CUL4A: variants seen among roughly 807,000 people sequenced by gnomAD.
CUL4A encodes the protein cullin-4A.
In CUL4A, 16 loss-of-function variants were observed where a neutral mutation model predicts 95.5. The ratio of observed to expected loss-of-function variants is 0.17; its 90% CI spans 0.11 to 0.25. The LOEUF (loss-of-function observed/expected upper bound fraction) is 0.25, where lower values mean the gene tolerates loss of function less well. CUL4A is among the 10% of genes least tolerant of loss of function. CUL4A has a pLI of 1.00. For missense variants in CUL4A, 610 were observed against 937.0 expected (o/e 0.65, Z 4.56); for synonymous variants, 380 against 353.1 (o/e 1.08, Z -0.85).
rs746911068 is a variant in CUL4A, at chr13:113,255,066, G to A, written c.1972G>A (p.Gly658Arg). The A allele has an allele frequency of 1.2e-6, 2 of 1,614,124 alleles. No individual in the cohort carries two copies. Among genetic ancestry groups the A allele is most frequent in the Admixed American group, 3.3e-5 (2 of 60,020 alleles). The stretch of plus-strand genomic sequence containing the variant: ...AGATGGAGACAAGTTCATTTTTAAT[G>A]GAGAGTTCAAGCACAAGTTGTTTAG... ...VEDGDKFIFN[G>R]EFKHKLFRIK... is the part of the protein sequence containing the mutation. The change falls in exon 18 of 20, where the codon GGA (glycine) becomes AGA (arginine). Residue 658 changes from glycine to arginine, a missense_variant. Gly to Arg is a moderately radical substitution (Grantham distance 125). Transcript: ENST00000375440.
chr13:113,223,942 T>A (rs2040999591), intron 3 of CUL4A, among the ~76,000 whole-genome samples: 2 of 152,218 alleles, frequency 1.3e-5, no homozygotes, highest in Non-Finnish European at 2.9e-5. Context: ...AAAGGCCATT[T>A]GTACCCTTGC....
At chr13:113,209,843 TG>T (rs1289700310) in intron 1 of CUL4A, 68 bp downstream of exon 1, 4 of 1,120,434 alleles carry the variant, frequency 3.6e-6, no homozygotes, top group East Asian at 4.1e-5. Context: ...CCGCCCGACT[TG>T]GGGGGAAGGC....
At position 113,239,441 on chromosome 13, in the gene CUL4A, C is replaced by A. The variant is rs765671780; in HGVS notation, c.925C>A (p.His309Asn). 6.2e-7 allele frequency: 1 copy of A among 1,613,846 alleles called. No individual in the cohort carries two copies. The highest frequency in any genetic ancestry group is 2.2e-5 in the East Asian group (1 of 44,870). ...LTAILQKGLD[H>N]LLDENRVPDL... ...TGTACTGCACATCTCAGGGCTCGAC[C>A]ACTTACTGGATGAGAACAGAGTGCC... Residue 309 changes from histidine to asparagine, a missense_variant, in exon 10 of 20, where the codon CAC becomes AAC. Physicochemically the swap from His to Asn is moderately conservative, Grantham distance 68 (BLOSUM62 1). This residue lies in a region of CUL4A where 153 missense variants were observed against 244.5 expected (regional missense o/e 0.63). Coordinates refer to ENST00000375440, the MANE Select transcript of CUL4A (RefSeq NM_001008895.4).
chr13:113,209,170 C>T (rs2040218180), upstream of CUL4A, among the ~76,000 whole-genome samples: 1 of 147,798 alleles, frequency 6.8e-6, no homozygotes, highest in Non-Finnish European at 1.5e-5. Flanking sequence ...TGGTCTCACG[C>T]CCGGGGTGGG....
At chr13:113,225,882 C>T (rs2041085671) in intron 3 of CUL4A, among the ~76,000 whole-genome samples, 1 of 152,208 alleles carries the variant, frequency 6.6e-6, no homozygotes, top group African/African-American at 2.4e-5. Flanking sequence ...CCAGAGGAAC[C>T]TGTTAACCAT....
rs1209074749 is a variant in CUL4A, at chr13:113,246,033, C to T, written c.1608C>T (p.Tyr536=). The change falls in exon 15 of 20, where the codon TAC becomes TAT. Residue 536 remains tyrosine, a synonymous_variant. Transcript: ENST00000375440. ...NILTMGYWPT[Y]TPMEVHLTPE... is the part of the protein sequence containing the mutation. ...TCACAATGGGCTACTGGCCAACATA[C>T]ACGCCCATGGAAGTGCACTTAACCC... 6.2e-7 allele frequency: 1 copy of T among 1,613,846 alleles called. No individual in the cohort carries two copies. The highest frequency in any genetic ancestry group is 8.5e-7 in the Non-Finnish European group (1 of 1,179,978).
chr13:113,264,459 C>T lies in CUL4A; in HGVS notation c.*877C>T, dbSNP rs1489686485. 6.6e-6 allele frequency: 1 copy of T among 152,066 alleles called. No individual in the cohort carries two copies. The highest frequency in any genetic ancestry group is 1.5e-5 in the Non-Finnish European group (1 of 68,014). The allele number at this position is 152,066 out of a possible 1,614,324, so 9.4% of individuals were successfully genotyped here. A position where few individuals can be genotyped will look rare whatever the true frequency, so the allele number is the denominator to read the frequency against. On this transcript the variant is annotated 3_prime_UTR_variant, in exon 20 of 20. Coordinates refer to ENST00000375440, the MANE Select transcript of CUL4A (RefSeq NM_001008895.4). ...GACGATCCTTGTTCTCTGCTGTAAA[C>T]TGTAAAAAGTTTATGGAGACTTAAA... is the stretch of plus-strand genomic sequence containing the variant.
chr13:113,234,568 C>G (rs1386282593), intron 7 of CUL4A, among the ~76,000 whole-genome samples: 1 of 152,226 alleles, frequency 6.6e-6, no homozygotes, highest in East Asian at 1.9e-4. Context: ...GCAGCTACCC[C>G]AGCAGAGCCT....
Position 113,255,133 on chromosome 13 carries a change from T to C in CUL4A, c.2031+8T>C, listed in dbSNP as rs1346000529. 2 of 1,590,840 alleles carry C rather than the reference T, an allele frequency of 1.3e-6. No individual in the cohort carries two copies. Among genetic ancestry groups the C allele is most frequent in the South Asian group, 2.3e-5 (2 of 88,560 alleles). ...ATTCAGATGAAGGAAACTGTATGTA[T>C]AAACTTTCTCTTTTTACTTATAGGG... On this transcript the variant is annotated splice_region_variant and intron_variant, in intron 18 of 19. Coordinates refer to ENST00000375440, the MANE Select transcript of CUL4A (RefSeq NM_001008895.4).
intron 7 of CUL4A, among the ~76,000 whole-genome samples, chr13:113,234,275 T>TA (rs2041462016): frequency 6.6e-6 from 1 of 152,194 alleles, no homozygotes; most frequent in Non-Finnish European, 1.5e-5. Flanking sequence ...GATAAAAACA[T>TA]ACATGAAAAC....
intron 9 of CUL4A, among the ~76,000 whole-genome samples, chr13:113,238,040 A>G (rs547121668): frequency 6.6e-6 from 1 of 152,262 alleles, no homozygotes; most frequent in Non-Finnish European, 1.5e-5. Flanking sequence ...TCTGGTTATG[A>G]TGTTTCTGCT....
At chr13:113,244,570 G>A in intron 12 of CUL4A, 56 bp downstream of exon 12, 1 of 1,276,284 alleles carries the variant, frequency 7.8e-7, no homozygotes. Flanking sequence ...AACAGGCCCT[G>A]CTTTCCCAGA....
At chr13:113,208,848 G>C, upstream of CUL4A, 1 of 1,406,818 alleles carries the variant, frequency 7.1e-7, no homozygotes, top group East Asian at 2.8e-5. Context: ...CCTCTCAGCC[G>C]GGACGCCAGC....
upstream of CUL4A, chr13:113,208,612 T>C (rs762729429): frequency 6.2e-7 from 1 of 1,607,616 alleles, no homozygotes; most frequent in South Asian, 1.1e-5. Context: ...CTGCAGGTAC[T>C]GGTTAATGGT....
upstream of CUL4A, chr13:113,208,329 TG>T: frequency 7.0e-7 from 1 of 1,432,912 alleles, no homozygotes; most frequent in South Asian, 1.5e-5. Flanking sequence ...GGCAGCGACC[TG>T]GGACCGCCGC....
chr13:113,228,200 C>A (rs895971661), intron 4 of CUL4A, among the ~76,000 whole-genome samples, 155 bp downstream of exon 4: 2 of 152,312 alleles, frequency 1.3e-5, no homozygotes, highest in African/African-American at 4.8e-5. Context: ...AAGGTGAACT[C>A]CTCAGCTCCT....
chr13:113,219,160 T>A, intron 3 of CUL4A, 112 bp downstream of exon 3: 1 of 571,494 alleles, frequency 1.7e-6, no homozygotes, highest in Non-Finnish European at 2.9e-6. Context: ...CAACAGCTTT[T>A]AAAGTTCTCT....
Position 113,245,975 on chromosome 13 carries a change from A to G in CUL4A, c.1550A>G (p.Asp517Gly), listed in dbSNP as rs2041846664. The G allele has an allele frequency of 6.2e-7, 1 of 1,613,460 alleles. No homozygotes were observed. Among genetic ancestry groups the G allele is most frequent in the South Asian group, 1.1e-5 (1 of 91,032 alleles). Residue 517 changes from aspartate (D) to glycine (G), a missense_variant, in exon 15 of 20, where the codon GAC becomes GGC. Around this residue, in one of 10 missense-constraint regions of CUL4A, gnomAD observed 44 missense variants for 75.6 expected, o/e 0.58. Coordinates refer to ENST00000375440, the MANE Select transcript of CUL4A (RefSeq NM_001008895.4). The stretch of plus-strand genomic sequence containing the variant: ...TTTTAGCATATGCAGAATCAGAGTG[A>G]CTCAGGCCCTATAGACCTCACAGTG... ...HFKQHMQNQS[D>G]SGPIDLTVNI...
rs530906608 is a variant in CUL4A, at chr13:113,237,865, T to C, written c.916+975T>C. On this transcript the variant is annotated intron_variant, in intron 9 of 19. Transcript: ENST00000375440. ...CCAAAAGGGAGGAGAATTAACATGA[T>C]TGAGCATCTCCTGTTACAAACAACT... 3.9e-5 allele frequency among the ~76,000 whole-genome samples: 6 copies of C among 152,324 alleles called. No homozygotes were observed. The East Asian group carries it at 1.2e-3, about 29-fold the overall frequency.
Sources: allele counts gnomAD v4.1 joint callset (sites outside exome capture counted in the v4.1 genomes callset), GRCh38; gene constraint gnomAD v4.1.1; regional missense constraint gnomAD v4.1.1; transcripts MANE v1.5; gene names NCBI Gene and HGNC (gene_info 2026-07-23, HGNC 2026-07-21).